Variants in CDKAL1 observed in about 807,000 individuals in gnomAD.
The protein encoded by CDKAL1 is threonylcarbamoyladenosine tRNA methylthiotransferase.
Under a neutral mutation model 68.2 loss-of-function variants are expected in CDKAL1, and 32 were observed. The observed-to-expected ratio is 0.47, with a 90% CI of 0.35 to 0.63. The LOEUF is 0.63. CDKAL1 is among the 30% of genes least tolerant of loss of function. CDKAL1 has a pLI of 0.00. For synonymous variants in CDKAL1, 234 were observed against 244.3 expected, an observed-to-expected ratio of 0.96 and a Z score of 0.39; for missense variants, 606 against 696.7, an observed-to-expected ratio of 0.87 and a Z score of 1.47.
At chr6:21,167,181 A>C (rs185823583) in intron 13 of CDKAL1, among the ~76,000 whole-genome samples, 1 of 152,216 alleles carries the variant, frequency 6.6e-6, no homozygotes, top group Admixed American at 6.5e-5. Flanking sequence ...CTGTAGTTCT[A>C]ACAAATGTGC....
rs371368595 is a variant in CDKAL1 at position 21,205,821 on chromosome 6, G to A, written c.1548+4547G>A. On this transcript the variant is annotated intron_variant, in intron 15 of 15. Coordinates refer to ENST00000274695, the MANE Select transcript of CDKAL1 (RefSeq NM_017774.3). Reference sequence around the variant, plus strand: ...GCTGGGATTACATGCGTGAGCCCCCGCGCCCAGCCTTTTTTTTTTTTTTTT... The same window carrying A: ...GCTGGGATTACATGCGTGAGCCCCCACGCCCAGCCTTTTTTTTTTTTTTTT... Among the ~76,000 whole-genome samples the A allele has an allele frequency of 8.8e-3, 1,055 of 119,760 alleles. 9 individuals carry two copies. Among genetic ancestry groups the A allele is most frequent in the African/African-American group, 0.026 (794 of 30,918 alleles). 78.6% of individuals were successfully genotyped at this position (119,760 alleles called of 152,430 possible).
At chr6:21,183,224 C>G (rs1045818352) in intron 13 of CDKAL1, among the ~76,000 whole-genome samples, 1 of 151,360 alleles carries the variant, frequency 6.6e-6, no homozygotes, top group Non-Finnish European at 1.5e-5. Flanking sequence ...GAGAATTTTC[C>G]TGCTCTCTTC....
chr6:21,193,751 C>A (rs897656138), intron 13 of CDKAL1, among the ~76,000 whole-genome samples: 5 of 152,162 alleles, frequency 3.3e-5, no homozygotes, highest in African/African-American at 9.7e-5. Flanking sequence ...CATCACTTTC[C>A]CCTTTCTTCC....
chr6:20,867,923 A>C (rs114011208), intron 9 of CDKAL1, among the ~76,000 whole-genome samples: 1,946 of 152,252 alleles, frequency 0.013, 27 homozygotes, highest in African/African-American at 0.044. Flanking sequence ...TGGGAGGTAA[A>C]TGGCCAAAGT....
chr6:21,049,112 G>A (rs1047764365), intron 11 of CDKAL1, among the ~76,000 whole-genome samples: 12 of 152,264 alleles, frequency 7.9e-5, no homozygotes, highest in African/African-American at 2.9e-4. Context: ...TATCAGAATG[G>A]CAGATGGGTT....
In CDKAL1 at chr6:20,758,648, T is replaced by C. The variant is rs371390187; in HGVS notation, c.517+5T>C. 1.8e-4 allele frequency: 293 copies of C among 1,605,416 alleles called. No homozygotes were observed. The highest frequency in any genetic ancestry group is 2.3e-4 in the Non-Finnish European group (265 of 1,174,514). On this transcript the variant is annotated splice_donor_5th_base_variant and intron_variant, in intron 7 of 15. Coordinates refer to ENST00000274695, the MANE Select transcript of CDKAL1 (RefSeq NM_017774.3). ...TTGTGGAGGAGACAATTAAAGGTAA[T>C]CGTTGAAAGTGAGATAAACAGATGT... is the stretch of plus-strand genomic sequence containing the variant.
At chr6:20,971,143 C>T (rs894250410) in intron 10 of CDKAL1, among the ~76,000 whole-genome samples, 12 of 152,274 alleles carry the variant, frequency 7.9e-5, no homozygotes, top group African/African-American at 1.7e-4. Flanking sequence ...CCACCATGCA[C>T]GGCCTCTCTC....
chr6:20,676,699 AAAT>A (rs1168830878), intron 5 of CDKAL1, among the ~76,000 whole-genome samples: 3 of 81,606 alleles, frequency 3.7e-5, no homozygotes, highest in Non-Finnish European at 5.2e-5. Context: ...ATAAATAAAT[AAAT>A]AAAATAAAAT....
At chr6:20,748,949 A>ATGTGTATATATATATGTATATGTATG (rs1773791982) in intron 6 of CDKAL1, among the ~76,000 whole-genome samples, 1 of 151,970 alleles carries the variant, frequency 6.6e-6, no homozygotes, top group Non-Finnish European at 1.5e-5. Flanking sequence ...CTTTGCATGT[A>ATGTGTATATATATATGTATATGTATG]TGTGTATATA....
intron 12 of CDKAL1, among the ~76,000 whole-genome samples, chr6:21,107,326 AGCAGGG>A (rs1773899603): frequency 6.6e-6 from 1 of 152,216 alleles, no homozygotes; most frequent in Non-Finnish European, 1.5e-5. Context: ...TACACTAAGG[AGCAGGG>A]GATGGAGAGG....
At chr6:21,210,608 C>T (rs1409091097) in intron 15 of CDKAL1, among the ~76,000 whole-genome samples, 3 of 152,070 alleles carry the variant, frequency 2.0e-5, no homozygotes, top group East Asian at 1.9e-4. Context: ...GTCACCGAAA[C>T]GAACTAAGAC....
intron 14 of CDKAL1, 195 bp from the exon 15 acceptor site, chr6:21,200,915 T>G (rs1230822085): frequency 6.7e-6 from 3 of 449,186 alleles, no homozygotes; most frequent in African/African-American, 2.0e-5. Context: ...TTAATAATAT[T>G]AATATATCAA....
intron 5 of CDKAL1, among the ~76,000 whole-genome samples, chr6:20,705,590 C>T (rs1286481257): frequency 6.6e-6 from 1 of 152,176 alleles, no homozygotes; most frequent in Non-Finnish European, 1.5e-5. Flanking sequence ...GAAAGACCCC[C>T]ATGTATAAAC....
intron 6 of CDKAL1, among the ~76,000 whole-genome samples, chr6:20,754,590 A>G (rs769472869): frequency 1.3e-5 from 2 of 152,140 alleles, no homozygotes; most frequent in Admixed American, 6.5e-5. Flanking sequence ...GGCCATAAGT[A>G]TATTTTCCTT....
intron 5 of CDKAL1, among the ~76,000 whole-genome samples, chr6:20,703,087 TAAAAAC>T (rs1469988628): frequency 2.0e-5 from 3 of 152,212 alleles, no homozygotes; most frequent in African/African-American, 4.8e-5. Flanking sequence ...TAGTGAAACT[TAAAAAC>T]AAAACCTCCA....
chr6:20,984,318 G>T (rs939314733), intron 10 of CDKAL1, among the ~76,000 whole-genome samples: 1 of 152,150 alleles, frequency 6.6e-6, no homozygotes, highest in Non-Finnish European at 1.5e-5. Context: ...GCTCATGGGT[G>T]GGGGAGTGCA....
intron 4 of CDKAL1, among the ~76,000 whole-genome samples, chr6:20,583,696 C>T (rs1022195684): frequency 2.6e-5 from 4 of 151,422 alleles, no homozygotes; most frequent in African/African-American, 9.7e-5. Flanking sequence ...AGAGTCTTAG[C>T]TATAGGAGTA....
chr6:20,838,064 C>A (rs1041987513), intron 8 of CDKAL1, among the ~76,000 whole-genome samples: 15 of 150,222 alleles, frequency 1.0e-4, no homozygotes, highest in Non-Finnish European at 8.9e-5. Flanking sequence ...ATGTATACAT[C>A]CATTTTTATA....
chr6:20,732,923 C>A (rs1197771271), intron 5 of CDKAL1, among the ~76,000 whole-genome samples: 1 of 152,218 alleles, frequency 6.6e-6, no homozygotes, highest in South Asian at 2.1e-4. Context: ...TACGTATCCT[C>A]ATTTCTTCCC....
Sources: gnomAD v4.1 joint callset for allele counts (sites outside exome capture counted in the v4.1 genomes callset) on GRCh38, gnomAD v4.1.1 for gene constraint, MANE v1.5 for transcripts, NCBI Gene and HGNC (gene_info 2026-07-23, HGNC 2026-07-21) for gene names.